The following LOC400499 variants were observed in gnomAD, a reference collection of about 807,000 sequenced individuals.
At chr16:11,515,441 G>A in the LOC400499 span, among the ~76,000 whole-genome samples, 1 of 152,010 alleles carries the variant, frequency 6.6e-6, no homozygotes, top group Non-Finnish European at 1.5e-5. Flanking sequence ...GGGTGACAGA[G>A]TGGGACTCTG....
chr16:11,448,232 T>C, the LOC400499 span, among the ~76,000 whole-genome samples: 4 of 152,144 alleles, frequency 2.6e-5, no homozygotes, highest in Non-Finnish European at 5.9e-5. Flanking sequence ...GCCTCCACCC[T>C]GATCAGACCA....
the LOC400499 span, among the ~76,000 whole-genome samples, chr16:11,473,762 A>G: frequency 6.6e-6 from 1 of 152,006 alleles, no homozygotes; most frequent in East Asian, 1.9e-4. Flanking sequence ...TCTCAAAAAA[A>G]AAAAAAAGTT....
At chr16:11,413,537 T>C in the LOC400499 span, among the ~76,000 whole-genome samples, 6 of 152,264 alleles carry the variant, frequency 3.9e-5, no homozygotes, top group Middle Eastern at 3.4e-3. Context: ...GGTCAGGGCA[T>C]GGCCCCATGT....
chr16:11,426,615 A>C, the LOC400499 span, among the ~76,000 whole-genome samples: 1 of 152,048 alleles, frequency 6.6e-6, no homozygotes, highest in South Asian at 2.1e-4. Context: ...TAAGAAAAAA[A>C]AAAACCTAAA....
the LOC400499 span, among the ~76,000 whole-genome samples, chr16:11,416,532 G>A: frequency 1.3e-5 from 2 of 152,130 alleles, no homozygotes; most frequent in African/African-American, 4.8e-5. Context: ...TGCACCCTAC[G>A]GCGAAGCAGA....
At chr16:11,383,750 GCA>G in the LOC400499 span, 1 of 1,232,352 alleles carries the variant, frequency 8.1e-7, no homozygotes, top group Non-Finnish European at 1.0e-6. Context: ...CAGGGGACCT[GCA>G]CACACAGGCT....
At chr16:11,388,563 C>G in the LOC400499 span, among the ~76,000 whole-genome samples, 6 of 152,282 alleles carry the variant, frequency 3.9e-5, no homozygotes, top group African/African-American at 1.4e-4. Flanking sequence ...GGGGAGGATA[C>G]TGGGTCCCCA....
At chr16:11,435,670 G>T in the LOC400499 span, 4 of 399,192 alleles carry the variant, frequency 1.0e-5, no homozygotes, top group Non-Finnish European at 1.8e-5. Flanking sequence ...ACCTTGCTGG[G>T]GTGATCTTTG....
the LOC400499 span, among the ~76,000 whole-genome samples, chr16:11,458,478 G>C: frequency 6.6e-6 from 1 of 150,450 alleles, no homozygotes; most frequent in Non-Finnish European, 1.5e-5. Flanking sequence ...GTACTCCAGT[G>C]TGGGCAACAA....
the LOC400499 span, chr16:11,494,623 G>A: frequency 1.8e-5 from 7 of 399,056 alleles, no homozygotes; most frequent in Middle Eastern, 6.2e-4. Flanking sequence ...CACCCAAGGC[G>A]TCTCCCAGGA....
At chr16:11,478,580 C>T in the LOC400499 span, 7 of 398,928 alleles carry the variant, frequency 1.8e-5, no homozygotes, top group Admixed American at 8.8e-5. Context: ...CAGTGGTTCA[C>T]GTGACTCCCC....
the LOC400499 span, chr16:11,392,694 A>T: frequency 1.2e-6 from 1 of 834,726 alleles, no homozygotes; most frequent in Non-Finnish European, 1.4e-6. Context: ...CTCCCCCGAC[A>T]CGGCAGTCAG....
the LOC400499 span, chr16:11,488,745 T>C: frequency 5.0e-6 from 2 of 398,940 alleles, no homozygotes. Flanking sequence ...GACGAGTGTT[T>C]CCACATTTCT....
At chr16:11,525,536 T>A in the LOC400499 span, among the ~76,000 whole-genome samples, 2 of 152,294 alleles carry the variant, frequency 1.3e-5, no homozygotes, top group South Asian at 4.1e-4. Context: ...CCCTTCCAAC[T>A]TTCCTTCAAC....
At chr16:11,381,215 A>G in the LOC400499 span, 2 of 151,958 alleles carry the variant, frequency 1.3e-5, no homozygotes, top group Admixed American at 6.6e-5. Context: ...TATTGCAAAC[A>G]TTTTTCATGC....
the LOC400499 span, chr16:11,392,867 T>C: frequency 1.1e-6 from 1 of 922,408 alleles, no homozygotes; most frequent in Non-Finnish European, 1.3e-6. Context: ...TTTGTTTTAC[T>C]TTTTGAGACA....
chr16:11,466,860 A>C, the LOC400499 span, among the ~76,000 whole-genome samples: 2 of 152,230 alleles, frequency 1.3e-5, no homozygotes, highest in African/African-American at 4.8e-5. Context: ...AATAGAATTT[A>C]AATTTTATCA....
At chr16:11,387,253 C>A in the LOC400499 span, 10 of 1,232,142 alleles carry the variant, frequency 8.1e-6, no homozygotes, top group Non-Finnish European at 1.0e-5. Flanking sequence ...GGGGCTCGTC[C>A]CCCGCAGGCA....
At chr16:11,422,831 C>T in the LOC400499 span, among the ~76,000 whole-genome samples, 2 of 152,224 alleles carry the variant, frequency 1.3e-5, no homozygotes, top group East Asian at 1.9e-4. Flanking sequence ...CTGAGCGCCA[C>T]GGTCCGCTTG....
Sources: gnomAD v4.1 joint callset for allele counts (sites outside exome capture counted in the v4.1 genomes callset) on GRCh38, gnomAD v4.1.1 for gene constraint, MANE v1.5 for transcripts.